The following HIVEP3 variants were observed in gnomAD, a reference collection of about 807,000 sequenced individuals.
HIVEP3 encodes transcription factor HIVEP3.
A neutral mutation model predicts 152.8 loss-of-function variants in HIVEP3; 49 were observed. The ratio of observed to expected loss-of-function variants is 0.32; its 90% CI spans 0.26 to 0.41. The LOEUF (loss-of-function observed/expected upper bound fraction) is 0.41, where lower values mean the gene tolerates loss of function less well. Among genes scored for constraint, HIVEP3 ranks in the 10% least tolerant of loss-of-function variants. The probability of loss-of-function intolerance (pLI) is 1.00; values close to 1 mark genes in which losing one functional copy is unlikely to be tolerated. For synonymous variants in HIVEP3, 1,269 were observed against 1,289.0 expected, an observed-to-expected ratio of 0.98 and a Z score of 0.33; for missense variants, 2,790 against 3,103.3, an observed-to-expected ratio of 0.90 and a Z score of 2.40.
chr1:41,558,195 C>G lies in HIVEP3; in HGVS notation c.5207+17349G>C, dbSNP rs142861459. Among the ~76,000 whole-genome samples the G allele has an allele frequency of 3.0e-4, 45 of 152,262 alleles. 2 individuals carry two copies. The East Asian group carries it at 8.7e-3, about 29-fold the overall frequency. ...TGAGTCCTCAGGAGAGGGATGATGC[C>G]CCCCGGCCCAGGCAGCATTGGGAAC... On this transcript the variant is annotated intron_variant, in intron 5 of 8. Transcript: ENST00000372583.
chr1:41,717,807 C>A (rs1646616782), intron 1 of HIVEP3, among the ~76,000 whole-genome samples: 1 of 152,170 alleles, frequency 6.6e-6, no homozygotes, highest in Admixed American at 6.5e-5. Context: ...CAGGCATGGA[C>A]CCTGGCCAGA....
intron 1 of HIVEP3, among the ~76,000 whole-genome samples, chr1:41,996,263 C>A (rs1402357438): frequency 6.6e-6 from 1 of 151,938 alleles, no homozygotes; most frequent in East Asian, 1.9e-4. Context: ...GTGGTGTATG[C>A]TGTAGTCCTA....
intron 6 of HIVEP3, among the ~76,000 whole-genome samples, chr1:41,523,160 C>T (rs560479991): frequency 3.9e-5 from 6 of 152,356 alleles, no homozygotes; most frequent in Admixed American, 1.3e-4. Context: ...TCTTGCTCTT[C>T]CATAAAATCT....
At chr1:41,524,277 A>G (rs1332952030) in intron 6 of HIVEP3, among the ~76,000 whole-genome samples, 1 of 152,152 alleles carries the variant, frequency 6.6e-6, no homozygotes, top group East Asian at 1.9e-4. Context: ...GCGCTCTGGC[A>G]GGAGAAGAGA....
chr1:41,823,484 T>C (rs1425218808), intron 1 of HIVEP3, among the ~76,000 whole-genome samples: 1 of 152,240 alleles, frequency 6.6e-6, no homozygotes, highest in African/African-American at 2.4e-5. Flanking sequence ...CCAAAGCCCA[T>C]GTTCTGTGCC....
chr1:41,981,302 T>C (rs538518780), intron 1 of HIVEP3, among the ~76,000 whole-genome samples: 4 of 152,228 alleles, frequency 2.6e-5, no homozygotes, highest in South Asian at 2.1e-4. Context: ...AGGAACCTTG[T>C]CAGAAAATAA....
At chr1:41,876,415 T>C (rs367724304) in intron 1 of HIVEP3, among the ~76,000 whole-genome samples, 1 of 152,330 alleles carries the variant, frequency 6.6e-6, no homozygotes, top group African/African-American at 2.4e-5. Flanking sequence ...AAACTCTCTG[T>C]GCCTTAGTTT....
At chr1:41,608,745 G>C (rs1041209662) in intron 3 of HIVEP3, among the ~76,000 whole-genome samples, 2 of 152,128 alleles carry the variant, frequency 1.3e-5, no homozygotes, top group African/African-American at 4.8e-5. Flanking sequence ...TTCCTATCTT[G>C]TTTTCTAATG....
chr1:41,899,284 C>T (rs930213471), intron 1 of HIVEP3, among the ~76,000 whole-genome samples: 6 of 152,154 alleles, frequency 3.9e-5, no homozygotes, highest in African/African-American at 1.4e-4. Flanking sequence ...TGTCTCTTGT[C>T]TATTTAATGG....
chr1:41,787,882 G>A (rs1430414117), intron 1 of HIVEP3, among the ~76,000 whole-genome samples: 10 of 152,144 alleles, frequency 6.6e-5, no homozygotes, highest in Admixed American at 5.9e-4. Flanking sequence ...AGGAATGGGG[G>A]CAGAGATAGT....
At chr1:41,595,593 A>G (rs1489032074) in intron 3 of HIVEP3, among the ~76,000 whole-genome samples, 1 of 152,194 alleles carries the variant, frequency 6.6e-6, no homozygotes, top group Non-Finnish European at 1.5e-5. Flanking sequence ...GAGGCTTGTG[A>G]TGATTAATAT....
In HIVEP3 at chr1:41,976,133, GGAAAA is replaced by G. The variant is rs1267946090; in HGVS notation, n.120-57614_120-57610del. Among the ~76,000 whole-genome samples the G allele has an allele frequency of 2.0e-5, 3 of 152,108 alleles. No homozygotes were observed. The East Asian group carries it at 5.8e-4, about 29-fold the overall frequency. ...AGAGCTATGACCCACTGAAGTCAAT[GGAAAA>G]GAAAAGAGAGGATAATTTTTGTGTC... On this transcript the variant is annotated intron_variant and non_coding_transcript_variant, in intron 1 of 3. Coordinates refer to the HIVEP3 transcript ENST00000489103.
chr1:41,827,464 T>C (rs564635155), intron 1 of HIVEP3, among the ~76,000 whole-genome samples: 1 of 152,248 alleles, frequency 6.6e-6, no homozygotes, highest in Admixed American at 6.5e-5. Flanking sequence ...TTTTACATTG[T>C]TTCAAGGTAT....
intron 5 of HIVEP3, among the ~76,000 whole-genome samples, chr1:41,552,371 C>A: frequency 7.9e-6 from 1 of 126,540 alleles, no homozygotes; most frequent in Non-Finnish European, 1.6e-5. Flanking sequence ...TCCCCCCTCC[C>A]CCCACCCCAC....
chr1:42,029,639 A>G (rs1216264303), intron 1 of HIVEP3, among the ~76,000 whole-genome samples: 1 of 152,222 alleles, frequency 6.6e-6, no homozygotes, highest in East Asian at 1.9e-4. Flanking sequence ...TAACACAAGG[A>G]TGGAAAATAC....
rs1157356237 is a variant in HIVEP3, at chr1:41,584,478, G to C, written c.320C>G (p.Pro107Arg). ...QHPLTPAFMS[P>R]GKPEHLLEGS... ...CTCCAGGAGATGCTCAGGTTTGCCA[G>C]GCGACATGAATGCTGGTGTCAGAGG... Residue 107 changes from proline to arginine, a missense_variant, in exon 4 of 9, where the codon CCT becomes CGT. Physicochemically the swap from Pro to Arg is moderately radical, Grantham distance 103. Coordinates refer to ENST00000372583, the MANE Select transcript of HIVEP3 (RefSeq NM_024503.5). This position sits in a 1 kb window ranked among gnomAD's most constrained non-coding sequence, Gnocchi z 5.2. 6.2e-7 allele frequency: 1 copy of C among 1,614,176 alleles called. No homozygotes were observed. Among genetic ancestry groups the C allele is most frequent in the Admixed American group, 1.7e-5 (1 of 60,030 alleles).
intron 1 of HIVEP3, among the ~76,000 whole-genome samples, chr1:41,754,820 G>T (rs937869009): frequency 1.3e-5 from 2 of 152,178 alleles, no homozygotes; most frequent in African/African-American, 4.8e-5. Context: ...TAATTTTTCA[G>T]TTATCAGATA....
intron 2 of HIVEP3, among the ~76,000 whole-genome samples, chr1:41,696,712 T>C (rs1274003985): frequency 6.6e-6 from 1 of 152,064 alleles, no homozygotes; most frequent in Non-Finnish European, 1.5e-5. Flanking sequence ...ATAGCCCAGC[T>C]TGAGTTAAAA....
At chr1:41,716,410 C>A (rs1462432098) in intron 1 of HIVEP3, among the ~76,000 whole-genome samples, 2 of 152,218 alleles carry the variant, frequency 1.3e-5, no homozygotes, top group African/African-American at 2.4e-5. Context: ...GCTCTCCCCC[C>A]ATCACCACCT....
Sources: allele counts gnomAD v4.1 joint callset (sites outside exome capture counted in the v4.1 genomes callset), GRCh38; gene constraint gnomAD v4.1.1; non-coding constraint Gnocchi (gnomAD v3.1); transcripts MANE v1.5; gene names NCBI Gene and HGNC (gene_info 2026-07-23, HGNC 2026-07-21).